The following TEX101 variants were observed in gnomAD, a reference collection of about 807,000 sequenced individuals.
TEX101 encodes testis expressed 101, also known as testis-expressed protein 101.
TEX101 carries 10 observed loss-of-function variants against 18.1 expected under a neutral mutation model. The ratio of observed to expected loss-of-function variants is 0.55; its 90% confidence interval spans 0.34 to 0.94. The LOEUF is 0.94. TEX101 is among the 40% of genes least tolerant of loss of function. The probability of loss-of-function intolerance (pLI) is 0.02; values close to 1 mark genes in which losing one functional copy is unlikely to be tolerated. For missense variants in TEX101, 259 were observed against 298.9 expected, an observed-to-expected ratio of 0.87 and a Z score of 0.98; for synonymous variants, 94 against 114.8, an observed-to-expected ratio of 0.82 and a Z score of 1.16.
intron 3 of TEX101, among the ~76,000 whole-genome samples, chr19:43,408,310 A>C (rs546517643): frequency 7.5e-6 from 1 of 133,168 alleles, no homozygotes; most frequent in South Asian, 2.7e-4. Flanking sequence ...CAGGGGCTAG[A>C]TCGGGGTTCG....
chr19:43,400,855 A>T (rs1284741402), upstream of TEX101, among the ~76,000 whole-genome samples: 1 of 152,088 alleles, frequency 6.6e-6, no homozygotes, highest in Admixed American at 6.6e-5. Flanking sequence ...CTCCTCCTAT[A>T]GGTGAATCAG....
intron 2 of TEX101, among the ~76,000 whole-genome samples, chr19:43,406,007 A>G (rs966018647): frequency 6.7e-6 from 1 of 148,940 alleles, no homozygotes; most frequent in African/African-American, 2.5e-5. Flanking sequence ...AAGCCAGCAT[A>G]TAAGAGGCAG....
Position 43,415,011 on chromosome 19 carries a change from C to G in TEX101, c.-67C>G. ...TGCTTCTTTAAAGAGAAAAAGAAGG[C>G]TAGGGACTCAGATTCCTGGATTCTG... On this transcript the variant is annotated 5_prime_UTR_variant, in exon 1 of 6. Coordinates refer to ENST00000598265, the MANE Select transcript of TEX101 (RefSeq NM_001130011.3). 1 of 985,374 alleles carries G rather than the reference C, an allele frequency of 1.0e-6. No homozygotes were observed. The highest frequency in any genetic ancestry group is 1.2e-6 in the Non-Finnish European group (1 of 829,920). 61.0% of individuals were successfully genotyped at this position (985,374 alleles called of 1,614,324 possible).
the TEX101 span, among the ~76,000 whole-genome samples, chr19:43,392,827 A>G: frequency 5.3e-5 from 8 of 152,088 alleles, no homozygotes; most frequent in Non-Finnish European, 1.0e-4. Context: ...GGAGGCTGAG[A>G]CGGGTGGATC....
At chr19:43,408,121 CGTCT>C (rs1254983032) in intron 3 of TEX101, among the ~76,000 whole-genome samples, 1 of 152,244 alleles carries the variant, frequency 6.6e-6, no homozygotes, top group Non-Finnish European at 1.5e-5. Flanking sequence ...GAACCAGTGA[CGTCT>C]CTCCCGTGAG....
intron 1 of TEX101, among the ~76,000 whole-genome samples, chr19:43,402,038 G>A (rs188310384): frequency 1.1e-3 from 172 of 152,364 alleles, no homozygotes; most frequent in African/African-American, 3.8e-3. Flanking sequence ...TGCTCAACAC[G>A]TTTGGAAATG....
chr19:43,409,212 G>C (rs761856823), intron 3 of TEX101, among the ~76,000 whole-genome samples: 3 of 152,194 alleles, frequency 2.0e-5, no homozygotes, highest in Non-Finnish European at 4.4e-5. Context: ...AACTAAGGAA[G>C]GCACTGAAAT....
At chr19:43,393,303 T>G in the TEX101 span, among the ~76,000 whole-genome samples, 14 of 152,106 alleles carry the variant, frequency 9.2e-5, no homozygotes, top group Non-Finnish European at 2.1e-4. Context: ...GGCGACCCAA[T>G]GCCCAGTGCC....
At chr19:43,416,700 AT>A in intron 4 of TEX101, 145 bp downstream of exon 4, 1 of 802,744 alleles carries the variant, frequency 1.2e-6, no homozygotes. Context: ...ATGTTTCTGA[AT>A]TGTTCATTGG....
chr19:43,394,054 G>A, the TEX101 span, among the ~76,000 whole-genome samples: 1 of 151,242 alleles, frequency 6.6e-6, no homozygotes, highest in Non-Finnish European at 1.5e-5. Flanking sequence ...TGCAGAGATG[G>A]GGACGTGGTT....
At chr19:43,393,802 A>G in the TEX101 span, among the ~76,000 whole-genome samples, 42,010 of 143,318 alleles carry the variant, frequency 0.29, 7,081 homozygotes, top group East Asian at 0.6. Flanking sequence ...GGTGCGGAGC[A>G]GGGGTTCAAA....
Position 43,416,529 on chromosome 19 carries a change from A to T in TEX101, c.365A>T (p.Gln122Leu), listed in dbSNP as rs751959202. 18 of 1,613,850 alleles carry T rather than the reference A, an allele frequency of 1.1e-5. No homozygotes were observed. Among genetic ancestry groups the T allele is most frequent in the Non-Finnish European group, 3.4e-6 (4 of 1,179,916 alleles). Residue 122 changes from glutamine to leucine, a missense_variant, in exon 4 of 6, where the codon CAG becomes CTG. By Grantham distance (113) the Gln-to-Leu change is moderately radical (BLOSUM62 -2). Coordinates refer to ENST00000598265, the MANE Select transcript of TEX101 (RefSeq NM_001130011.3). Reference protein sequence around the residue: ...SFCNDKDSLSQFWEFSETTAS... With the variant: ...SFCNDKDSLSLFWEFSETTAS... ...TGTAATGACAAAGACAGCCTGTCTC[A>T]GTTTTGGGAGTTCAGTGAGACCACA... is the stretch of plus-strand genomic sequence containing the variant.
intron 1 of TEX101, 138 bp downstream of exon 1, chr19:43,415,176 C>CCCT (rs35518279): frequency 0.17 from 81,997 of 482,706 alleles, 9,525 homozygotes; most frequent in East Asian, 0.59. Context: ...ACTCCTCGAT[C>CCCT]CCTACATAGG....
chr19:43,391,086 G>C, the TEX101 span, among the ~76,000 whole-genome samples: 1 of 152,142 alleles, frequency 6.6e-6, no homozygotes, highest in African/African-American at 2.4e-5. Context: ...CACCCTTCTT[G>C]TTATGGCTGA....
rs1440700343 is a variant in TEX101, at chr19:43,418,098, AG to A, written c.521-64del. 106 of 1,611,112 alleles carry A rather than the reference AG, an allele frequency of 6.6e-5. 1 individual carries two copies. In the South Asian group the frequency reaches 9.7e-4, roughly 15 times the overall value. ...TCTGACACTGAGCTCTCCAGGGATG[AG>A]GGGGGACTGGATTCTCCTCTGATGT... On this transcript the variant is annotated intron_variant, in intron 5 of 5. Coordinates refer to ENST00000598265, the MANE Select transcript of TEX101 (RefSeq NM_001130011.3).
chr19:43,402,713 TG>T (rs1420528257), intron 1 of TEX101: 1 of 152,246 alleles, frequency 6.6e-6, no homozygotes, highest in Non-Finnish European at 1.5e-5. Context: ...CCTGAGTAGC[TG>T]GGACTACAGG....
At chr19:43,403,897 G>T (rs910345861) in intron 2 of TEX101, among the ~76,000 whole-genome samples, 1 of 151,896 alleles carries the variant, frequency 6.6e-6, no homozygotes, top group East Asian at 1.9e-4. Context: ...AAATTAGCCG[G>T]GCATGGTGGC....
At chr19:43,417,768 C>A (rs1472795433) in intron 4 of TEX101, 110 bp from the exon 5 acceptor site, 1 of 1,401,314 alleles carries the variant, frequency 7.1e-7, no homozygotes, top group East Asian at 2.3e-5. Context: ...AAGTAATGGG[C>A]CTTGATTAGA....
At chr19:43,406,578 C>G in intron 3 of TEX101, 1 of 636,404 alleles carries the variant, frequency 1.6e-6, no homozygotes, top group South Asian at 1.9e-5. Context: ...TTTCACTAAC[C>G]TGGTGGGGGA....
Sources: allele counts gnomAD v4.1 joint callset (sites outside exome capture counted in the v4.1 genomes callset), GRCh38; gene constraint gnomAD v4.1.1; transcripts MANE v1.5; gene names NCBI Gene and HGNC (gene_info 2026-07-23, HGNC 2026-07-21).